Variants in SGCD observed in about 807,000 individuals in gnomAD.
SGCD encodes the protein delta-sarcoglycan.
A neutral mutation model predicts 36.6 loss-of-function variants in SGCD; 18 were observed. That is an observed-to-expected ratio of 0.49 (90% CI 0.34 to 0.73). The LOEUF is 0.73. SGCD is among the 30% of genes least tolerant of loss of function. SGCD has a pLI of 0.01. For missense variants in SGCD, 387 were observed against 346.7 expected (o/e 1.12, Z -0.92); for synonymous variants, 133 against 130.6 (o/e 1.02, Z -0.12).
intron 6 of SGCD, among the ~76,000 whole-genome samples, chr5:156,600,928 A>C (rs2113411650): frequency 6.6e-6 from 1 of 152,300 alleles, no homozygotes; most frequent in Admixed American, 6.5e-5. Flanking sequence ...GATGTTGAGC[A>C]TATTTTCATA....
chr5:156,200,746 C>A (rs145648150), intron 3 of SGCD, among the ~76,000 whole-genome samples: 1 of 152,092 alleles, frequency 6.6e-6, no homozygotes, highest in African/African-American at 2.4e-5. Flanking sequence ...GAGTATATAT[C>A]GCAAAGAATT....
chr5:156,050,754 C>A lies in SGCD; in HGVS notation c.-281-67124C>A, dbSNP rs113012433. 2.5e-3 allele frequency among the ~76,000 whole-genome samples: 372 copies of A among 146,560 alleles called. 23 individuals are homozygous for A. Among genetic ancestry groups the A allele is most frequent in the African/African-American group, 8.9e-3 (364 of 40,834 alleles). On this transcript the variant is annotated intron_variant, in intron 1 of 9. Transcript: ENST00000517913. ...ATGCTCTAGGAGATAATTCATTTTGCCTTTTCTAGCTTCTAGAAGTTATCT... is the reference window on the plus strand; with the variant it reads ...ATGCTCTAGGAGATAATTCATTTTGACTTTTCTAGCTTCTAGAAGTTATCT...
chr5:156,208,443 G>A (rs1177162966), intron 3 of SGCD, among the ~76,000 whole-genome samples: 2 of 152,196 alleles, frequency 1.3e-5, no homozygotes, highest in Non-Finnish European at 2.9e-5. Flanking sequence ...TTCTGACTCT[G>A]GTTTGTAAGA....
chr5:156,440,708 A>G (rs1753449873), intron 3 of SGCD, among the ~76,000 whole-genome samples: 3 of 152,112 alleles, frequency 2.0e-5, no homozygotes, highest in Admixed American at 6.6e-5. Context: ...CCTATTGATG[A>G]ATGATAATTG....
intron 3 of SGCD, among the ~76,000 whole-genome samples, chr5:156,405,167 C>T (rs1772341350): frequency 6.6e-6 from 1 of 152,110 alleles, no homozygotes; most frequent in African/African-American, 2.4e-5. Flanking sequence ...TCCCCAGGCA[C>T]CAACTAACAA....
In SGCD at chr5:155,971,642, G is replaced by A. The variant is rs114996815; in HGVS notation, c.-282+101218G>A. ...GATGCAATTGAGATACGGGGTCAGG[G>A]GGAAAATACTGAAGTAAATAATATA... On this transcript the variant is annotated intron_variant, in intron 1 of 9. Coordinates refer to the SGCD transcript ENST00000517913. 3.1e-3 allele frequency among the ~76,000 whole-genome samples: 475 copies of A among 152,136 alleles called. 4 individuals carry two copies. The highest frequency in any genetic ancestry group is 0.01 in the African/African-American group (429 of 41,508).
intron 3 of SGCD, among the ~76,000 whole-genome samples, chr5:156,138,633 T>C (rs1762511854): frequency 1.3e-5 from 2 of 152,218 alleles, no homozygotes; most frequent in South Asian, 2.1e-4. Flanking sequence ...TTGGGAATAA[T>C]AAGAATTACA....
chr5:156,534,441 A>T (rs1176031387), intron 4 of SGCD, among the ~76,000 whole-genome samples: 1 of 151,948 alleles, frequency 6.6e-6, no homozygotes, highest in Non-Finnish European at 1.5e-5. Context: ...TTTATACTCT[A>T]TTCTGCTTCT....
rs181840030 is a variant in SGCD, at chr5:156,187,584, G to A, written c.-44+63565G>A. Among the ~76,000 whole-genome samples, 738 of 143,302 alleles carry A rather than the reference G, an allele frequency of 5.1e-3. 4 individuals are homozygous for A. The highest frequency in any genetic ancestry group is 8.7e-3 in the Non-Finnish European group (563 of 64,650). The allele number at this position is 143,302 out of a possible 152,430, so 94.0% of individuals were successfully genotyped here. A position where few individuals can be genotyped will look rare whatever the true frequency, so the allele number is the denominator to read the frequency against. On this transcript the variant is annotated intron_variant, in intron 3 of 9. Coordinates refer to the SGCD transcript ENST00000517913. ...CCACAGTTTCCTCATATGTAAACAC[G>A]AATACTGATAGTACCTGTGGCATGA...
the SGCD span, among the ~76,000 whole-genome samples, chr5:155,846,732 A>G: frequency 6.6e-6 from 1 of 152,234 alleles, no homozygotes; most frequent in Non-Finnish European, 1.5e-5. Flanking sequence ...TCTGTATAAC[A>G]CAAAGTAAAG....
the SGCD span, among the ~76,000 whole-genome samples, chr5:155,785,193 G>A: frequency 2.0e-5 from 3 of 152,230 alleles, no homozygotes; most frequent in South Asian, 2.1e-4. Context: ...CATGATTTAT[G>A]CACACATTGA....
At chr5:156,158,651 C>A (rs534083030) in intron 3 of SGCD, among the ~76,000 whole-genome samples, 1 of 151,520 alleles carries the variant, frequency 6.6e-6, no homozygotes, top group Non-Finnish European at 1.5e-5. Flanking sequence ...ACAAGCCTTC[C>A]GGGGTACTCA....
intron 4 of SGCD, among the ~76,000 whole-genome samples, chr5:156,587,453 C>A (rs1760540458): frequency 6.6e-6 from 1 of 152,176 alleles, no homozygotes; most frequent in African/African-American, 2.4e-5. Flanking sequence ...TGGTTGCTAT[C>A]AAATACAAAT....
chr5:156,141,320 A>G (rs1266431398), intron 3 of SGCD, among the ~76,000 whole-genome samples: 2 of 152,154 alleles, frequency 1.3e-5, no homozygotes, highest in Non-Finnish European at 2.9e-5. Flanking sequence ...TGTCTAGTAG[A>G]GCCATGGGAG....
rs115280394 is a variant in SGCD, at chr5:156,076,178, G to A, written c.-281-41700G>A. 7.7e-3 allele frequency among the ~76,000 whole-genome samples: 1,172 copies of A among 152,006 alleles called. 7 individuals are homozygous for A. Among genetic ancestry groups the A allele is most frequent in the African/African-American group, 0.027 (1,122 of 41,472 alleles). On this transcript the variant is annotated intron_variant, in intron 1 of 9. Transcript: ENST00000517913. ...AAGTGGGCCATTCTCTGCCATTTCT[G>A]TTTTGCTCTGGTTGCTTCAAAATTC...
At position 156,508,583 on chromosome 5, in the gene SGCD, C is replaced by T. The variant is rs771308905; in HGVS notation, c.193-18C>T. On this transcript the variant is annotated intron_variant, in intron 3 of 8. Coordinates refer to ENST00000337851, the MANE Select transcript of SGCD (RefSeq NM_000337.6). Reference sequence around the variant, plus strand: ...TGGCTAATCATATCTTCCTTGTTATCTCTGTGTTCTATTTCAGGATGGAAT... The same window carrying T: ...TGGCTAATCATATCTTCCTTGTTATTTCTGTGTTCTATTTCAGGATGGAAT... 2.7e-6 allele frequency: 4 copies of T among 1,506,162 alleles called. No individual in the cohort carries two copies. The African/African-American group carries it at 5.5e-5, about 21-fold the overall frequency. 93.3% of individuals were successfully genotyped at this position (1,506,162 alleles called of 1,614,324 possible).
chr5:156,271,404 TA>T (rs1256347913), intron 3 of SGCD, among the ~76,000 whole-genome samples: 1 of 152,146 alleles, frequency 6.6e-6, no homozygotes, highest in Non-Finnish European at 1.5e-5. Flanking sequence ...AAAATCATAA[TA>T]TCTCTGAGGC....
At chr5:155,995,798 TAAA>T in intron 1 of SGCD, among the ~76,000 whole-genome samples, 1 of 148,770 alleles carries the variant, frequency 6.7e-6, no homozygotes, top group African/African-American at 2.5e-5. Context: ...AACCAATGGT[TAAA>T]AAAAAAATGG....
At chr5:155,828,065 A>G in the SGCD span, among the ~76,000 whole-genome samples, 1 of 152,108 alleles carries the variant, frequency 6.6e-6, no homozygotes, top group Non-Finnish European at 1.5e-5. Context: ...CTTACTTAGC[A>G]TCTTCTGCCA....
Sources: allele counts gnomAD v4.1 joint callset (sites outside exome capture counted in the v4.1 genomes callset), GRCh38; gene constraint gnomAD v4.1.1; transcripts MANE v1.5; gene names NCBI Gene and HGNC (gene_info 2026-07-23, HGNC 2026-07-21).